The following ZNRF1 variants were observed in gnomAD, a reference collection of about 807,000 sequenced individuals.
ZNRF1 encodes the protein E3 ubiquitin-protein ligase ZNRF1.
A neutral mutation model predicts 18.4 loss-of-function variants in ZNRF1; 3 were observed. That is an observed-to-expected ratio of 0.16 (90% CI 0.07 to 0.42). The LOEUF is 0.42. Ranked by LOEUF, ZNRF1 falls within the 10% of genes least tolerant of loss-of-function variation. ZNRF1 has a pLI of 0.99. For synonymous variants in ZNRF1, 157 were observed against 144.2 expected (o/e 1.09, Z -0.64); for missense variants, 310 against 329.8 (o/e 0.94, Z 0.47).
At chr16:75,003,339 G>A (rs1481847032) in intron 1 of ZNRF1, among the ~76,000 whole-genome samples, 1 of 152,184 alleles carries the variant, frequency 6.6e-6, no homozygotes, top group Non-Finnish European at 1.5e-5. Context: ...TAAAGTCTAA[G>A]CTCCGTGAGA....
chr16:75,098,383 A>G (rs943750510), intron 2 of ZNRF1, among the ~76,000 whole-genome samples: 4 of 152,140 alleles, frequency 2.6e-5, no homozygotes, highest in Non-Finnish European at 5.9e-5. Context: ...GGCTGCCCCC[A>G]CTATCCTCAT....
chr16:75,044,679 C>G (rs1239351621), intron 1 of ZNRF1, among the ~76,000 whole-genome samples: 1 of 152,168 alleles, frequency 6.6e-6, no homozygotes, highest in South Asian at 2.1e-4. Context: ...GACTTTCAGG[C>G]TTCCTCATCC....
intron 1 of ZNRF1, among the ~76,000 whole-genome samples, chr16:75,084,896 A>G (rs1055403466): frequency 3.9e-5 from 6 of 152,212 alleles, no homozygotes; most frequent in African/African-American, 1.4e-4. Context: ...AAACGTTTGG[A>G]AAAGTTGGAA....
chr16:75,084,308 A>G (rs2036049953), intron 1 of ZNRF1: 1 of 152,266 alleles, frequency 6.6e-6, no homozygotes, highest in African/African-American at 2.4e-5. Flanking sequence ...CACCAGGGGA[A>G]GTAATGAAAC....
chr16:75,004,056 G>T (rs988355686), intron 1 of ZNRF1, among the ~76,000 whole-genome samples: 1 of 151,870 alleles, frequency 6.6e-6, no homozygotes, highest in African/African-American at 2.4e-5. Flanking sequence ...AGACTCCTGG[G>T]CTCAGTTGAT....
intron 1 of ZNRF1, among the ~76,000 whole-genome samples, chr16:75,022,644 A>G (rs1390758050): frequency 1.3e-5 from 2 of 152,220 alleles, no homozygotes; most frequent in Non-Finnish European, 2.9e-5. Flanking sequence ...AATGAACAAA[A>G]TTTAAATTCC....
intron 1 of ZNRF1, among the ~76,000 whole-genome samples, chr16:75,057,722 G>A (rs1056818457): frequency 3.3e-5 from 5 of 152,262 alleles, no homozygotes; most frequent in Admixed American, 2.0e-4. Flanking sequence ...TGCAACTTCC[G>A]TCTCCCGGGT....
chr16:75,043,747 C>T (rs533871662), intron 1 of ZNRF1, among the ~76,000 whole-genome samples: 8 of 147,888 alleles, frequency 5.4e-5, no homozygotes, highest in African/African-American at 1.7e-4. Context: ...TGGTTTTCCA[C>T]GAAACCTGTT....
chr16:75,083,921 C>G (rs2036043932), intron 1 of ZNRF1, among the ~76,000 whole-genome samples: 1 of 152,206 alleles, frequency 6.6e-6, no homozygotes, highest in African/African-American at 2.4e-5. Flanking sequence ...CCAGGACTAG[C>G]TTATACTGTC....
rs777751926 is a variant in ZNRF1, at chr16:75,000,090, A to G, written c.419A>G (p.His140Arg). Residue 140 changes from histidine (H) to arginine (R), a missense_variant, in exon 1 of 5, where the codon CAT becomes CGT. By Grantham distance (29) the His-to-Arg change is conservative. Around this residue, in one of 2 missense-constraint regions of ZNRF1, gnomAD observed 293 missense variants for 291.2 expected, o/e 1.01. Coordinates refer to ENST00000335325, the MANE Select transcript of ZNRF1 (RefSeq NM_032268.5). ...ATCGCACCCAGGTGGTTCAGCTCGCATAGTGGTGAGTCCGCGGGTGGTGGA... is the reference window on the plus strand; with the variant it reads ...ATCGCACCCAGGTGGTTCAGCTCGCGTAGTGGTGAGTCCGCGGGTGGTGGA... ...LHIAPRWFSS[H>R]SGFKCPICSK... The G allele has an allele frequency of 6.2e-7, 1 of 1,600,140 alleles. No individual in the cohort carries two copies. The highest frequency in any genetic ancestry group is 8.5e-7 in the Non-Finnish European group (1 of 1,174,672).
At chr16:75,035,442 A>C (rs569071853) in intron 1 of ZNRF1, among the ~76,000 whole-genome samples, 49 of 152,300 alleles carry the variant, frequency 3.2e-4, no homozygotes, top group Non-Finnish European at 6.2e-4. Flanking sequence ...TCTTGTTGCC[A>C]CCCGCAAATC....
intron 1 of ZNRF1, among the ~76,000 whole-genome samples, chr16:75,007,989 G>A (rs1444453624): frequency 6.6e-6 from 1 of 152,058 alleles, no homozygotes; most frequent in African/African-American, 2.4e-5. Context: ...CTTAGCCTCT[G>A]GAGTATCTGG....
At chr16:75,047,943 G>C (rs2035537409) in intron 1 of ZNRF1, among the ~76,000 whole-genome samples, 1 of 146,802 alleles carries the variant, frequency 6.8e-6, no homozygotes. Flanking sequence ...GTATGTGTCT[G>C]TGTCCTCATC....
intron 1 of ZNRF1, among the ~76,000 whole-genome samples, chr16:75,047,583 G>A (rs1399568945): frequency 6.6e-6 from 1 of 152,214 alleles, no homozygotes; most frequent in Non-Finnish European, 1.5e-5. Context: ...GGCATGTGGA[G>A]GAGTGCTGTT....
At chr16:75,078,802 C>T (rs2035974848) in intron 1 of ZNRF1, among the ~76,000 whole-genome samples, 2 of 152,194 alleles carry the variant, frequency 1.3e-5, no homozygotes, top group African/African-American at 4.8e-5. Context: ...ACAGATATTG[C>T]TTCCTGGCTT....
intron 1 of ZNRF1, among the ~76,000 whole-genome samples, chr16:75,085,089 T>C (rs1449002997): frequency 1.3e-5 from 2 of 152,198 alleles, no homozygotes; most frequent in African/African-American, 4.8e-5. Flanking sequence ...AGTGTATATT[T>C]GGTGGATTTT....
intron 1 of ZNRF1, among the ~76,000 whole-genome samples, chr16:75,054,708 G>A (rs2035647222): frequency 6.6e-6 from 1 of 152,226 alleles, no homozygotes; most frequent in Non-Finnish European, 1.5e-5. Flanking sequence ...TAAGTTCTGT[G>A]TTAGCATTTC....
intron 1 of ZNRF1, among the ~76,000 whole-genome samples, chr16:75,079,215 C>T (rs544534880): frequency 1.5e-4 from 23 of 152,308 alleles, no homozygotes; most frequent in Non-Finnish European, 2.6e-4. Flanking sequence ...GGCGCGGTGG[C>T]TCATGCCTGT....
At chr16:75,058,769 C>G (rs896021721) in intron 1 of ZNRF1, among the ~76,000 whole-genome samples, 5 of 152,192 alleles carry the variant, frequency 3.3e-5, no homozygotes, top group Non-Finnish European at 5.9e-5. Context: ...TGGTTGGACT[C>G]AGGAGAGTTG....
Sources: allele counts gnomAD v4.1 joint callset (sites outside exome capture counted in the v4.1 genomes callset), GRCh38; gene constraint gnomAD v4.1.1; regional missense constraint gnomAD v4.1.1; transcripts MANE v1.5; gene names NCBI Gene and HGNC (gene_info 2026-07-23, HGNC 2026-07-21).